RGPD4: variants seen among roughly 807,000 people sequenced by gnomAD.
The protein encoded by RGPD4 is ranBP2-like and GRIP domain-containing protein 4.
RGPD4 carries 84 observed loss-of-function variants against 141.1 expected under a neutral mutation model. That is an observed-to-expected ratio of 0.60 (90% CI 0.50 to 0.71). The LOEUF is 0.71. RGPD4 is among the 30% of genes least tolerant of loss of function. The pLI is 0.00. For missense variants in RGPD4, 918 were observed against 1,622.4 expected, an observed-to-expected ratio of 0.57 and a Z score of 7.46; for synonymous variants, 298 against 566.8, an observed-to-expected ratio of 0.53 and a Z score of 6.74.
intron 22 of RGPD4, among the ~76,000 whole-genome samples, chr2:107,887,287 G>C (rs1675542805): frequency 6.6e-6 from 1 of 151,992 alleles, no homozygotes; most frequent in Non-Finnish European, 1.5e-5. Flanking sequence ...AATAATATGT[G>C]AAACATTAGA....
chr2:107,883,556 C>T (rs573175145), intron 22 of RGPD4, among the ~76,000 whole-genome samples: 17 of 146,768 alleles, frequency 1.2e-4, no homozygotes, highest in Admixed American at 3.4e-4. Context: ...CTTGAACTCA[C>T]GAGGCGGAGG....
At chr2:107,835,560 A>C (rs1681640280) in intron 1 of RGPD4, among the ~76,000 whole-genome samples, 1 of 151,868 alleles carries the variant, frequency 6.6e-6, no homozygotes, top group African/African-American at 2.4e-5. Context: ...CAGTGCCTTA[A>C]TAGATCCTAA....
intron 17 of RGPD4, among the ~76,000 whole-genome samples, chr2:107,863,544 G>A (rs1179353805): frequency 2.0e-5 from 3 of 150,732 alleles, no homozygotes; most frequent in Non-Finnish European, 4.4e-5. Flanking sequence ...CCAGGCTGGA[G>A]TGCAGTGGTG....
At chr2:107,837,188 C>CTTTTT (rs71225100) in intron 2 of RGPD4, among the ~76,000 whole-genome samples, 1 of 41,892 alleles carries the variant, frequency 2.4e-5, no homozygotes, top group Admixed American at 2.4e-4. Flanking sequence ...GGGAGGCAGG[C>CTTTTT]TTTTTTTTTT....
intron 22 of RGPD4, among the ~76,000 whole-genome samples, chr2:107,884,207 T>C (rs1675445600): frequency 6.6e-6 from 1 of 152,018 alleles, no homozygotes. Context: ...GCCTCCCGGA[T>C]TCAAGCGATT....
At chr2:107,849,399 C>A in intron 7 of RGPD4, among the ~76,000 whole-genome samples, 1 of 129,864 alleles carries the variant, frequency 7.7e-6, no homozygotes, top group Non-Finnish European at 1.6e-5. Flanking sequence ...CGGAGTCTCG[C>A]TCTGTCGCCC....
rs773394868 is a variant in RGPD4, at chr2:107,872,103, T to C, written c.4099T>C (p.Tyr1367His). ...VFSHRAELYR[Y>H]DKDVGQWKER... is the part of the protein sequence containing the mutation. The stretch of plus-strand genomic sequence containing the variant: ...TAGTCACAGGGCAGAACTCTACAGA[T>C]ATGATAAAGATGTTGGTCAATGGAA... The change falls in exon 20 of 23, where the codon TAT (tyrosine) becomes CAT (histidine). Residue 1367 changes from tyrosine (Y) to histidine (H), a missense_variant. Transcript: ENST00000408999. The C allele has an allele frequency of 3.7e-6, 6 of 1,611,164 alleles. No individual in the cohort carries two copies. The Admixed American group carries it at 1.0e-4, about 27-fold the overall frequency.
intron 20 of RGPD4, among the ~76,000 whole-genome samples, chr2:107,875,160 G>A (rs1467690608): frequency 3.0e-5 from 3 of 99,990 alleles, no homozygotes; most frequent in African/African-American, 4.3e-5. Flanking sequence ...AAGGAAGACC[G>A]CATCTCAAAT....
At position 107,872,105 on chromosome 2, in the gene RGPD4, T is replaced by C; in HGVS notation, c.4101T>C (p.Tyr1367=). Residue 1367 remains tyrosine (Y), a synonymous_variant, in exon 20 of 23, where the codon TAT becomes TAC. Transcript: ENST00000408999. ...GTCACAGGGCAGAACTCTACAGATATGATAAAGATGTTGGTCAATGGAAAG... is the reference window on the plus strand; with the variant it reads ...GTCACAGGGCAGAACTCTACAGATACGATAAAGATGTTGGTCAATGGAAAG... The part of the protein sequence containing the change: ...VFSHRAELYR[Y]DKDVGQWKER... 1 of 1,611,272 alleles carries C rather than the reference T, an allele frequency of 6.2e-7. No individual in the cohort carries two copies. The highest frequency in any genetic ancestry group is 8.5e-7 in the Non-Finnish European group (1 of 1,179,616).
At position 107,840,754 on chromosome 2, in the gene RGPD4, A is replaced by T. The variant is rs1405005156; in HGVS notation, c.405+1790A>T. Among the ~76,000 whole-genome samples the T allele has an allele frequency of 3.9e-5, 3 of 76,344 alleles. No homozygotes were observed. In the South Asian group the frequency reaches 1.4e-3, roughly 35 times the overall value. 50.1% of individuals were successfully genotyped at this position (76,344 alleles called of 152,430 possible). On this transcript the variant is annotated intron_variant, in intron 4 of 22. Coordinates refer to ENST00000408999, the MANE Select transcript of RGPD4 (RefSeq NM_182588.3). ...CACAATTTAACCTTTCACTTTTTTTATTTCTATTTTTTTGAGACAGAGTCT... is the reference window on the plus strand; with the variant it reads ...CACAATTTAACCTTTCACTTTTTTTTTTTCTATTTTTTTGAGACAGAGTCT...
At chr2:107,836,443 A>G (rs912342500) in intron 1 of RGPD4, among the ~76,000 whole-genome samples, 159 bp from the exon 2 acceptor site, 1 of 148,184 alleles carries the variant, frequency 6.7e-6, no homozygotes, top group African/African-American at 2.5e-5. Context: ...GGAAATTATA[A>G]AACATGGAAT....
intron 20 of RGPD4, among the ~76,000 whole-genome samples, chr2:107,878,367 A>G (rs1224767502): frequency 6.8e-6 from 1 of 147,288 alleles, no homozygotes; most frequent in Admixed American, 6.7e-5. Context: ...CTAGACATGC[A>G]CACTGTAACC....
intron 17 of RGPD4, among the ~76,000 whole-genome samples, chr2:107,863,782 C>A (rs201914484): frequency 6.6e-6 from 1 of 151,682 alleles, no homozygotes; most frequent in Non-Finnish European, 1.5e-5. Context: ...TGTAAACCAC[C>A]GCACCCAGCC....
chr2:107,882,330 A>G (rs2439159), intron 21 of RGPD4, among the ~76,000 whole-genome samples: 47,443 of 151,254 alleles, frequency 0.31, 9,008 homozygotes, highest in Non-Finnish European at 0.42. Context: ...TTTCTACTTC[A>G]CCCCTCTTCC....
At chr2:107,882,626 T>G in intron 21 of RGPD4, 46 bp from the exon 22 acceptor site, 10 of 1,539,412 alleles carry the variant, frequency 6.5e-6, no homozygotes, top group Non-Finnish European at 8.0e-6. Flanking sequence ...CCATATTTAA[T>G]CAGAAGCTCC....
At chr2:107,827,413 ACCCGG>A (rs1383215960) in intron 1 of RGPD4, among the ~76,000 whole-genome samples, 2 of 62,634 alleles carry the variant, frequency 3.2e-5, no homozygotes, top group East Asian at 6.7e-4. Flanking sequence ...GGCGGCCTCG[ACCCGG>A]CCCGGCCGCG....
intron 21 of RGPD4, 37 bp downstream of exon 21, chr2:107,880,144 A>T: frequency 6.2e-7 from 1 of 1,611,256 alleles, no homozygotes; most frequent in Non-Finnish European, 8.5e-7. Context: ...GAAAACTGCC[A>T]ATTTGGTTTT....
At chr2:107,880,177 C>A in intron 21 of RGPD4, 70 bp downstream of exon 21, 2 of 1,603,594 alleles carry the variant, frequency 1.2e-6, no homozygotes, top group Non-Finnish European at 8.5e-7. Flanking sequence ...TACACATGTA[C>A]CCAAGTTTAA....
At position 107,872,769 on chromosome 2, in the gene RGPD4, G is replaced by T. The variant is rs190948032; in HGVS notation, c.4765G>T (p.Ala1589Ser). The change falls in exon 20 of 23, where the codon GCC becomes TCC. Residue 1589 changes from alanine (A) to serine (S), a missense_variant. Transcript: ENST00000408999. Reference protein sequence around the residue: ...KSNNSETSSVAQSGSESKVEP... With the variant: ...KSNNSETSSVSQSGSESKVEP... ...TAACAACAGTGAAACTAGTTCAGTA[G>T]CCCAGAGTGGATCTGAAAGCAAAGT... 6,372 of 1,611,388 alleles carry T rather than the reference G, an allele frequency of 4.0e-3. 21 individuals are homozygous for T. The highest frequency in any genetic ancestry group is 4.9e-3 in the Non-Finnish European group (5,731 of 1,179,840).
Sources: gnomAD v4.1 joint callset for allele counts (sites outside exome capture counted in the v4.1 genomes callset) on GRCh38, gnomAD v4.1.1 for gene constraint, MANE v1.5 for transcripts, NCBI Gene and HGNC (gene_info 2026-07-23, HGNC 2026-07-21) for gene names.